The following KLRG1 variants were observed in gnomAD, a reference collection of about 807,000 sequenced individuals.
The protein encoded by KLRG1 is killer cell lectin-like receptor subfamily G member 1.
Under a neutral mutation model 21.8 loss-of-function variants are expected in KLRG1, and 16 were observed. The observed-to-expected ratio is 0.73, with a 90% CI of 0.50 to 1.11. KLRG1 has a LOEUF of 1.11. Ranked by LOEUF, KLRG1 falls within the 50% of genes most tolerant of loss-of-function variation. The pLI is 0.00. For missense variants in KLRG1, 173 were observed against 218.3 expected, an observed-to-expected ratio of 0.79 and a Z score of 1.31; for synonymous variants, 69 against 75.9, an observed-to-expected ratio of 0.91 and a Z score of 0.47.
the KLRG1 span, chr12:9,135,167 G>T: frequency 4.5e-6 from 1 of 223,804 alleles, no homozygotes. Context: ...TCACGAACGG[G>T]CAACAGCTGC....
the KLRG1 span, among the ~76,000 whole-genome samples, chr12:9,056,229 G>T: frequency 3.9e-5 from 6 of 152,102 alleles, no homozygotes; most frequent in African/African-American, 1.4e-4. Flanking sequence ...TTTAAGGACT[G>T]CAAACCATAC....
chr12:9,095,737 TG>T, the KLRG1 span: 3 of 1,282,348 alleles, frequency 2.3e-6, no homozygotes, highest in Non-Finnish European at 3.1e-6. Flanking sequence ...CAAACTTATT[TG>T]TGACTTTTTT....
At chr12:9,161,609 C>A in the KLRG1 span, among the ~76,000 whole-genome samples, 18 of 152,118 alleles carry the variant, frequency 1.2e-4, no homozygotes. Context: ...AGACTTATAA[C>A]CATGATAATA....
the KLRG1 span, chr12:9,027,963 T>A: frequency 1.0e-6 from 1 of 962,752 alleles, no homozygotes. Flanking sequence ...TTTCCTAACT[T>A]CACAGTTGTG....
At chr12:9,134,370 A>G in the KLRG1 span, among the ~76,000 whole-genome samples, 4 of 152,188 alleles carry the variant, frequency 2.6e-5, no homozygotes, top group African/African-American at 7.2e-5. Context: ...TTGCTACAAG[A>G]AAAAGACACC....
chr12:8,971,285 A>C (rs899206967), intron 1 of KLRG1: 2 of 151,518 alleles, frequency 1.3e-5, no homozygotes, highest in African/African-American at 4.8e-5. Context: ...TCAAAAATTT[A>C]TTTCTTTTTG....
intron 1 of KLRG1, among the ~76,000 whole-genome samples, chr12:8,965,118 CT>C (rs1342726541): frequency 1.3e-5 from 2 of 152,112 alleles, no homozygotes; most frequent in Non-Finnish European, 2.9e-5. Context: ...CAGAAAAGGC[CT>C]TTGACAAAAT....
At chr12:9,136,473 T>A in the KLRG1 span, among the ~76,000 whole-genome samples, 1 of 152,198 alleles carries the variant, frequency 6.6e-6, no homozygotes, top group Non-Finnish European at 1.5e-5. Flanking sequence ...TGTAATAAAT[T>A]GTTTCTTATC....
chr12:8,955,366 A>C (rs1946272258), intron 1 of KLRG1, among the ~76,000 whole-genome samples: 1 of 131,538 alleles, frequency 7.6e-6, no homozygotes, highest in African/African-American at 2.9e-5. Context: ...AGAGGCAACT[A>C]TTGCTCTGAT....
the KLRG1 span, chr12:9,148,754 C>A: frequency 4.0e-6 from 2 of 494,224 alleles, no homozygotes; most frequent in African/African-American, 4.0e-5. Flanking sequence ...AGAATCCAAC[C>A]TTTGCACCAA....
the KLRG1 span, chr12:9,113,311 G>C: frequency 6.3e-7 from 1 of 1,590,162 alleles, no homozygotes; most frequent in Non-Finnish European, 8.6e-7. Context: ...AGATCCCTAT[G>C]ACCCTGACTA....
the KLRG1 span, among the ~76,000 whole-genome samples, chr12:9,203,405 G>A: frequency 9.0e-5 from 13 of 143,818 alleles, no homozygotes; most frequent in Non-Finnish European, 1.6e-4. Context: ...GCAGTGGGGC[G>A]ATCTCGGCTC....
At chr12:9,093,680 G>A in the KLRG1 span, 104 of 661,422 alleles carry the variant, frequency 1.6e-4, no homozygotes, top group South Asian at 1.0e-3. Flanking sequence ...AAAACAAATC[G>A]TCTGATGAAA....
chr12:9,109,497 A>T, the KLRG1 span: 1 of 933,810 alleles, frequency 1.1e-6, no homozygotes, highest in Non-Finnish European at 1.7e-6. Context: ...CCCTAATAAT[A>T]TTTTAGGGCT....
the KLRG1 span, among the ~76,000 whole-genome samples, chr12:9,175,966 C>A: frequency 3.6e-3 from 555 of 152,188 alleles, 3 homozygotes; most frequent in Non-Finnish European, 5.3e-3. Flanking sequence ...GGGTGTATAG[C>A]CATAGGAATA....
At chr12:9,087,954 GA>G in the KLRG1 span, among the ~76,000 whole-genome samples, 1 of 151,960 alleles carries the variant, frequency 6.6e-6, no homozygotes, top group African/African-American at 2.4e-5. Flanking sequence ...GTGAATAGTT[GA>G]AAAAACCAAT....
chr12:9,017,754 G>A, the KLRG1 span, among the ~76,000 whole-genome samples: 1 of 152,178 alleles, frequency 6.6e-6, no homozygotes, highest in African/African-American at 2.4e-5. Flanking sequence ...AGTACTGGAT[G>A]TCCTAGCTAG....
In KLRG1 at chr12:8,996,244, CT is replaced by C. The variant is rs1475201784; in HGVS notation, c.357+958del. Among the ~76,000 whole-genome samples the C allele has an allele frequency of 2.0e-5, 3 of 152,134 alleles. No individual in the cohort carries two copies. The East Asian group carries it at 5.8e-4, about 29-fold the overall frequency. On this transcript the variant is annotated intron_variant, in intron 3 of 4. Coordinates refer to ENST00000356986, the MANE Select transcript of KLRG1 (RefSeq NM_005810.4). ...CACCCAGCAATCTCTTGGAAAAGAG[CT>C]TGCTATTGGTCCTAGACCATCTCAA...
chr12:9,035,617 T>C, the KLRG1 span, among the ~76,000 whole-genome samples: 1 of 149,516 alleles, frequency 6.7e-6, no homozygotes, highest in South Asian at 2.1e-4. Flanking sequence ...AAGACAGAAC[T>C]ACCATTCAAC....
Sources: gnomAD v4.1 joint callset for allele counts (sites outside exome capture counted in the v4.1 genomes callset) on GRCh38, gnomAD v4.1.1 for gene constraint, MANE v1.5 for transcripts, NCBI Gene and HGNC (gene_info 2026-07-23, HGNC 2026-07-21) for gene names.